The following ADGRL3 variants were observed in gnomAD, a reference collection of about 807,000 sequenced individuals.
The protein encoded by ADGRL3 is calcium-independent alpha-latrotoxin receptor 3.
ADGRL3 carries 62 observed loss-of-function variants against 153.5 expected under a neutral mutation model. The observed-to-expected ratio is 0.40, with a 90% confidence interval of 0.33 to 0.50. The LOEUF (loss-of-function observed/expected upper bound fraction) is 0.50. Among genes scored for constraint, ADGRL3 ranks in the 20% least tolerant of loss-of-function variants. The pLI, the probability that ADGRL3 is intolerant of heterozygous loss-of-function variation, is 0.47. For missense variants in ADGRL3, 1,641 were observed against 1,859.4 expected, an observed-to-expected ratio of 0.88 and a Z score of 2.16; for synonymous variants, 710 against 672.5, an observed-to-expected ratio of 1.06 and a Z score of -0.86.
chr4:61,365,551 TG>T (rs1456196345), intron 1 of ADGRL3, among the ~76,000 whole-genome samples: 2 of 152,262 alleles, frequency 1.3e-5, no homozygotes, highest in Admixed American at 1.3e-4. Context: ...GCAGCAGTGC[TG>T]CTGGATACTA....
At chr4:61,274,598 T>A (rs1473795489) in intron 1 of ADGRL3, among the ~76,000 whole-genome samples, 1 of 152,160 alleles carries the variant, frequency 6.6e-6, no homozygotes, top group Non-Finnish European at 1.5e-5. Flanking sequence ...AAATGTAAGT[T>A]CTGTGTTTGT....
chr4:61,714,451 G>A (rs1014485334), intron 6 of ADGRL3, among the ~76,000 whole-genome samples: 1 of 151,894 alleles, frequency 6.6e-6, no homozygotes, highest in East Asian at 1.9e-4. Flanking sequence ...TTCTGATTTC[G>A]GCCAAACTGA....
At chr4:62,034,857 A>G (rs543254815) in intron 23 of ADGRL3, among the ~76,000 whole-genome samples, 2 of 151,980 alleles carry the variant, frequency 1.3e-5, no homozygotes, top group South Asian at 2.1e-4. Context: ...TATTTGATAT[A>G]TTCCCAGAGC....
At chr4:61,387,127 G>A (rs188646936) in intron 2 of ADGRL3, among the ~76,000 whole-genome samples, 22 of 152,208 alleles carry the variant, frequency 1.4e-4, no homozygotes, top group South Asian at 4.1e-4. Context: ...GACATCACAC[G>A]TTGGTAGGAC....
intron 1 of ADGRL3, among the ~76,000 whole-genome samples, chr4:61,329,492 A>C (rs2095528384): frequency 6.6e-6 from 1 of 152,100 alleles, no homozygotes; most frequent in African/African-American, 2.4e-5. Context: ...GTAGAAATTT[A>C]ATTTTTTAAT....
intron 5 of ADGRL3, among the ~76,000 whole-genome samples, chr4:61,645,271 T>G (rs890949617): frequency 4.6e-5 from 7 of 152,098 alleles, no homozygotes; most frequent in Non-Finnish European, 7.3e-5. Flanking sequence ...AATTGGAGCA[T>G]TTAGTCTATT....
Position 61,733,413 on chromosome 4 carries a change from T to C in ADGRL3, c.1258T>C (p.Leu420=). The C allele has an allele frequency of 6.2e-7, 1 of 1,613,720 alleles. No individual in the cohort carries two copies. The highest frequency in any genetic ancestry group is 8.5e-7 in the Non-Finnish European group (1 of 1,179,800). Residue 420 remains leucine, a synonymous_variant, in exon 8 of 27, where the codon TTG becomes CTG. Coordinates refer to ENST00000683033, the MANE Select transcript of ADGRL3 (RefSeq NM_001387552.1). ...IYNTDQSKDS[L]VDVPFPNSYQ... is the part of the protein sequence containing the mutation. The stretch of plus-strand genomic sequence containing the variant: ...CAACACTGACCAAAGCAAGGATAGT[T>C]TGGTGGATGTACCCTTTCCTAATTC...
At chr4:61,927,303 C>A (rs796184336) in intron 13 of ADGRL3, among the ~76,000 whole-genome samples, 5 of 151,490 alleles carry the variant, frequency 3.3e-5, no homozygotes, top group African/African-American at 1.2e-4. Flanking sequence ...TCATTTCATT[C>A]TAAAGTAGAA....
At chr4:62,019,110 T>G (rs928710696) in intron 21 of ADGRL3, among the ~76,000 whole-genome samples, 5 of 152,212 alleles carry the variant, frequency 3.3e-5, no homozygotes, top group African/African-American at 1.2e-4. Flanking sequence ...TAATTATAAC[T>G]TCTGGTTTTG....
At chr4:61,903,650 CAAAAAAAAAAAAAAAAAAAA>C (rs55879235) in intron 11 of ADGRL3, among the ~76,000 whole-genome samples, 25 of 72,344 alleles carry the variant, frequency 3.5e-4, no homozygotes, top group African/African-American at 1.5e-3. Flanking sequence ...TGGGAAACAG[CAAAAAAAAAAAAAAAAAAAA>C]AAAAAAAAAA....
chr4:61,249,084 A>T (rs2149415553), intron 1 of ADGRL3, among the ~76,000 whole-genome samples: 1 of 152,280 alleles, frequency 6.6e-6, no homozygotes, highest in African/African-American at 2.4e-5. Context: ...AGACAATTAG[A>T]GTCTTCGTGT....
At chr4:61,657,626 C>A (rs999248911) in intron 5 of ADGRL3, among the ~76,000 whole-genome samples, 3 of 152,054 alleles carry the variant, frequency 2.0e-5, no homozygotes, top group Admixed American at 2.0e-4. Flanking sequence ...ACTACAGTTA[C>A]CTGAACATTT....
rs1432861690 is a variant in ADGRL3, at chr4:61,393,487, T to G, written c.-174+10298T>G. 2.0e-5 allele frequency among the ~76,000 whole-genome samples: 3 copies of G among 152,104 alleles called. No individual in the cohort carries two copies. The East Asian group carries it at 5.8e-4, about 29-fold the overall frequency. Reference sequence around the variant, plus strand: ...AATGTAAACTCATTTCCTCATTTTTTTAGTATAATGAGATTTTATTGAGAA... The same window carrying G: ...AATGTAAACTCATTTCCTCATTTTTGTAGTATAATGAGATTTTATTGAGAA... On this transcript the variant is annotated intron_variant, in intron 2 of 26. Coordinates refer to ENST00000683033, the MANE Select transcript of ADGRL3 (RefSeq NM_001387552.1).
chr4:61,686,877 A>G (rs1448333558), intron 6 of ADGRL3, among the ~76,000 whole-genome samples: 3 of 152,032 alleles, frequency 2.0e-5, no homozygotes, highest in Non-Finnish European at 4.4e-5. Context: ...TTGATTCCAC[A>G]TATGAATGAG....
chr4:61,263,472 A>T (rs2092670245), intron 1 of ADGRL3, among the ~76,000 whole-genome samples: 1 of 151,580 alleles, frequency 6.6e-6, no homozygotes, highest in Admixed American at 6.6e-5. Context: ...AAAAAAAAAA[A>T]AGACCCTGAA....
intron 8 of ADGRL3, among the ~76,000 whole-genome samples, chr4:61,805,940 TA>T (rs542965006): frequency 2.1e-3 from 321 of 152,314 alleles, no homozygotes; most frequent in African/African-American, 7.4e-3. Context: ...ACTTCTCAAT[TA>T]AACAGAATTA....
intron 17 of ADGRL3, among the ~76,000 whole-genome samples, chr4:61,976,648 G>A (rs931075826): frequency 6.6e-6 from 1 of 152,142 alleles, no homozygotes; most frequent in Non-Finnish European, 1.5e-5. Flanking sequence ...TCTCATGGTA[G>A]TGATTAAGTC....
intron 6 of ADGRL3, among the ~76,000 whole-genome samples, chr4:61,710,314 G>A (rs2095946274): frequency 6.6e-6 from 1 of 152,150 alleles, no homozygotes; most frequent in Non-Finnish European, 1.5e-5. Context: ...ATCAGTCTTG[G>A]GGAATGGCCA....
chr4:61,819,471 C>G (rs1484090399), intron 9 of ADGRL3, among the ~76,000 whole-genome samples: 1 of 152,032 alleles, frequency 6.6e-6, no homozygotes, highest in South Asian at 2.1e-4. Flanking sequence ...ACCCATGACT[C>G]TCTACATCTT....
Sources: allele counts gnomAD v4.1 joint callset (sites outside exome capture counted in the v4.1 genomes callset), GRCh38; gene constraint gnomAD v4.1.1; transcripts MANE v1.5; gene names NCBI Gene and HGNC (gene_info 2026-07-23, HGNC 2026-07-21).